Variants in ADK observed in about 807,000 individuals in gnomAD.
ADK encodes N6,N6-dimethyladenosine kinase.
Under a neutral mutation model 44.7 loss-of-function variants are expected in ADK, and 24 were observed. The ratio of observed to expected loss-of-function variants is 0.54; its 90% CI spans 0.39 to 0.76. The LOEUF is 0.76. ADK is among the 30% of genes least tolerant of loss of function. ADK has a pLI of 0.00. For synonymous variants in ADK, 128 were observed against 142.6 expected (o/e 0.90, Z 0.73); for missense variants, 321 against 425.1 (o/e 0.76, Z 2.15).
chr10:74,183,647 A>G (rs1461960328), intron 1 of ADK, among the ~76,000 whole-genome samples: 1 of 151,072 alleles, frequency 6.6e-6, no homozygotes, highest in African/African-American at 2.4e-5. Context: ...AGTAGCTGGG[A>G]TTACAAGCGT....
intron 10 of ADK, among the ~76,000 whole-genome samples, chr10:74,695,494 GTGTA>G (rs1653954918): frequency 6.6e-6 from 1 of 150,892 alleles, no homozygotes; most frequent in African/African-American, 2.5e-5. Context: ...GTGTGTGTGT[GTGTA>G]TGTGTGTATG....
rs1238689690 is a variant in ADK, at chr10:74,287,997, AAAAAG to A, written c.195-26668_195-26664del. On this transcript the variant is annotated intron_variant, in intron 3 of 10. Transcript: ENST00000539909. ...GACCCTGTCTCAAAAAAAAAAAAAA[AAAAAG>A]AGAAAAAAAAATTTTTAAGTACTTT... is the stretch of plus-strand genomic sequence containing the variant. Among the ~76,000 whole-genome samples, 19 of 151,870 alleles carry A rather than the reference AAAAAG, an allele frequency of 1.3e-4. No homozygotes were observed. In the East Asian group the frequency reaches 3.7e-3, roughly 30 times the overall value.
chr10:74,393,682 C>G (rs1305435272), intron 4 of ADK, among the ~76,000 whole-genome samples: 1 of 152,122 alleles, frequency 6.6e-6, no homozygotes, highest in Non-Finnish European at 1.5e-5. Flanking sequence ...ATTATATCTC[C>G]ACTTTAAACA....
chr10:74,541,462 TA>T (rs1030002568), intron 7 of ADK, among the ~76,000 whole-genome samples: 8 of 152,362 alleles, frequency 5.3e-5, no homozygotes, highest in Admixed American at 1.3e-4. Context: ...TTCGTCTCTT[TA>T]ATCTAGAATG....
chr10:74,534,585 C>T (rs370953734), intron 7 of ADK, among the ~76,000 whole-genome samples: 16 of 152,110 alleles, frequency 1.1e-4, no homozygotes, highest in Admixed American at 1.0e-3. Context: ...TCACAAAAAC[C>T]GTCATTTAAT....
At chr10:74,527,696 T>C (rs1287968305) in intron 7 of ADK, 4 of 1,247,678 alleles carry the variant, frequency 3.2e-6, no homozygotes, top group Admixed American at 3.4e-5. Flanking sequence ...GCCTCTCTTA[T>C]TTCTGCATTG....
In ADK at chr10:74,180,640, A is replaced by G. The variant is rs951409637; in HGVS notation, c.66-20124A>G. 1.1e-4 allele frequency among the ~76,000 whole-genome samples: 16 copies of G among 151,988 alleles called. 2 individuals carry two copies. The highest frequency in any genetic ancestry group is 3.6e-4 in the African/African-American group (15 of 41,458). ...CGCCCAGCTAATTTTTTGTATTTTT[A>G]GTAGAGACGGGGTTTCACCGTGTTA... On this transcript the variant is annotated intron_variant, in intron 1 of 10. Coordinates refer to ENST00000539909, the MANE Select transcript of ADK (RefSeq NM_006721.4).
intron 7 of ADK, among the ~76,000 whole-genome samples, chr10:74,558,252 C>G (rs1325056099): frequency 2.0e-5 from 3 of 152,156 alleles, no homozygotes; most frequent in African/African-American, 7.2e-5. Flanking sequence ...GGCTGGAGTG[C>G]AGTGGCACGT....
chr10:74,179,867 G>T (rs1423107212), intron 1 of ADK, among the ~76,000 whole-genome samples: 1 of 152,062 alleles, frequency 6.6e-6, no homozygotes, highest in Non-Finnish European at 1.5e-5. Context: ...ATTCTTTCTT[G>T]CATGATGTCT....
At chr10:74,356,005 T>TGGTTTTTG (rs1564672588) in intron 4 of ADK, among the ~76,000 whole-genome samples, 1 of 121,676 alleles carries the variant, frequency 8.2e-6, no homozygotes, top group Admixed American at 8.2e-5. Flanking sequence ...ATAATTCATT[T>TGGTTTTTG]TTTTTTTTTT....
chr10:74,608,122 C>A (rs1852400711), intron 9 of ADK, among the ~76,000 whole-genome samples: 1 of 151,824 alleles, frequency 6.6e-6, no homozygotes, highest in Non-Finnish European at 1.5e-5. Context: ...TTCTAGTTAG[C>A]AATTCCTCTA....
rs1194189258 is a variant in ADK at position 74,302,100 on chromosome 10, TGTTTG to T, written c.195-12566_195-12562del. 6.8e-4 allele frequency among the ~76,000 whole-genome samples: 15 copies of T among 22,032 alleles called. 1 individual carries two copies. The highest frequency in any genetic ancestry group is 2.9e-3 in the African/African-American group (13 of 4,408). The allele number at this position is 22,032 out of a possible 152,430, so 14.5% of individuals were successfully genotyped here. On this transcript the variant is annotated intron_variant, in intron 3 of 10. Transcript: ENST00000539909. ...TTTCTTTTCTTTTCTGTTTTTTTTT[TGTTTG>T]TTTGTTTTTTTTTTTTTTTTTTTTT...
rs995002010 is a variant in ADK, at chr10:74,421,083, G to T, written c.555+22504G>T. On this transcript the variant is annotated intron_variant, in intron 6 of 10. Transcript: ENST00000539909. ...GGGATTTCAGGATAGAATGCAAGCT[G>T]TAACAAATGAATCTAATTGTATTAC... Among the ~76,000 whole-genome samples the T allele has an allele frequency of 1.4e-4, 22 of 152,146 alleles. 1 individual carries two copies. The highest frequency in any genetic ancestry group is 6.5e-5 in the Admixed American group (1 of 15,280).
At chr10:74,383,130 GTAA>G (rs960867768) in intron 4 of ADK, among the ~76,000 whole-genome samples, 4 of 151,634 alleles carry the variant, frequency 2.6e-5, no homozygotes, top group East Asian at 1.9e-4. Flanking sequence ...AATTACAACA[GTAA>G]TAATAATAAT....
At chr10:74,415,735 T>A (rs528424754) in intron 6 of ADK, among the ~76,000 whole-genome samples, 1 of 152,254 alleles carries the variant, frequency 6.6e-6, no homozygotes, top group East Asian at 1.9e-4. Flanking sequence ...GGAAATGTTA[T>A]ACCCATCAGT....
intron 4 of ADK, among the ~76,000 whole-genome samples, chr10:74,365,452 G>A (rs937368186): frequency 1.3e-5 from 2 of 152,056 alleles, no homozygotes; most frequent in African/African-American, 2.4e-5. Context: ...GCATATATTA[G>A]CACTTCATTT....
chr10:74,204,690 T>G (rs768511266), intron 2 of ADK, among the ~76,000 whole-genome samples: 1 of 152,208 alleles, frequency 6.6e-6, no homozygotes, highest in Non-Finnish European at 1.5e-5. Flanking sequence ...TTTAGTTCTT[T>G]TGGTTACCTT....
chr10:74,694,714 T>C (rs1856113507), intron 10 of ADK, among the ~76,000 whole-genome samples: 1 of 152,202 alleles, frequency 6.6e-6, no homozygotes, highest in Admixed American at 6.5e-5. Context: ...ACTCCTGGGC[T>C]CAAGCAATTC....
chr10:74,596,908 A>G (rs1283819065), intron 8 of ADK, among the ~76,000 whole-genome samples: 1 of 152,208 alleles, frequency 6.6e-6, no homozygotes, highest in Non-Finnish European at 1.5e-5. Flanking sequence ...AAATAGGGAT[A>G]ATAATAGTAC....
Sources: allele counts gnomAD v4.1 joint callset (sites outside exome capture counted in the v4.1 genomes callset), GRCh38; gene constraint gnomAD v4.1.1; transcripts MANE v1.5; gene names NCBI Gene and HGNC (gene_info 2026-07-23, HGNC 2026-07-21).